The following SMOC2 variants were observed in gnomAD, a reference collection of about 807,000 sequenced individuals.
The protein encoded by SMOC2 is SPARC related modular calcium binding 2, also known as SPARC-related modular calcium-binding protein 2.
SMOC2 carries 39 observed loss-of-function variants against 61.4 expected under a neutral mutation model. That is an observed-to-expected ratio of 0.64 (90% CI 0.49 to 0.83). The LOEUF is 0.83. Ranked by LOEUF, SMOC2 falls within the 40% of genes least tolerant of loss-of-function variation. SMOC2 has a pLI of 0.00. For missense variants in SMOC2, 556 were observed against 592.9 expected (o/e 0.94, Z 0.65); for synonymous variants, 247 against 239.9 (o/e 1.03, Z -0.27).
intron 1 of SMOC2, among the ~76,000 whole-genome samples, chr6:168,507,871 A>C (rs2342545): frequency 0.1 from 15,890 of 152,256 alleles, 1,377 homozygotes; most frequent in African/African-American, 0.24. Flanking sequence ...AAAATAGCTC[A>C]CTCTGAGATG....
Position 168,608,225 on chromosome 6 carries a change from G to T in SMOC2, c.893G>T (p.Gly298Val). 1 of 1,612,662 alleles carries T rather than the reference G, an allele frequency of 6.2e-7. No individual in the cohort carries two copies. The highest frequency in any genetic ancestry group is 8.5e-7 in the Non-Finnish European group (1 of 1,179,538). Residue 298 changes from glycine (G) to valine (V), a missense_variant, in exon 9 of 13, where the codon GGC becomes GTC. By Grantham distance (109) the Gly-to-Val change is moderately radical. Transcript: ENST00000356284. ...GCCAAAGCCCGGGACCTGTACAAGG[G>T]CCGCCAGCTACAAGGTGAGCAGCAC... Reference protein sequence around the residue: ...HPAKARDLYKGRQLQGCPGAK... With the variant: ...HPAKARDLYKVRQLQGCPGAK...
In SMOC2 at chr6:168,523,089, T is replaced by TTTTTTTTTTTTC. The variant is rs1171682081; in HGVS notation, c.257-3247_257-3246insTCTTTTTTTTTT. On this transcript the variant is annotated intron_variant, in intron 2 of 12. Coordinates refer to ENST00000356284, the MANE Select transcript of SMOC2 (RefSeq NM_001166412.2). ...TGTAGTTGTACAGTAATTTTTTTTT[T>TTTTTTTTTTTTC]TTTTTTTTTTGAGACGGAGTCTCGC... 3.2e-5 allele frequency among the ~76,000 whole-genome samples: 3 copies of TTTTTTTTTTTTC among 93,370 alleles called. 1 individual carries two copies. Among genetic ancestry groups the TTTTTTTTTTTTC allele is most frequent in the Non-Finnish European group, 8.5e-5 (3 of 35,218 alleles). 61.3% of individuals were successfully genotyped at this position (93,370 alleles called of 152,430 possible). A position where few individuals can be genotyped will look rare whatever the true frequency, so the allele number is the denominator to read the frequency against.
chr6:168,528,554 GAT>G (rs1428898327), intron 4 of SMOC2, among the ~76,000 whole-genome samples: 1 of 152,124 alleles, frequency 6.6e-6, no homozygotes. Flanking sequence ...CTGTTTAAGG[GAT>G]ATATATCTTT....
Position 168,607,844 on chromosome 6 carries a change from G to A in SMOC2, c.825-313G>A, listed in dbSNP as rs112656670. Among the ~76,000 whole-genome samples the A allele has an allele frequency of 2.0e-3, 304 of 152,124 alleles. 3 individuals carry two copies. The highest frequency in any genetic ancestry group is 7.0e-3 in the African/African-American group (291 of 41,402). On this transcript the variant is annotated intron_variant, in intron 8 of 12. Transcript: ENST00000356284. ...GCGCTGCTCCATCCAACCCTGCAACGGGAGGAGGGGGAGGTGTGGGTGCTT... is the reference window on the plus strand; with the variant it reads ...GCGCTGCTCCATCCAACCCTGCAACAGGAGGAGGGGGAGGTGTGGGTGCTT...
chr6:168,627,527 T>A (rs1786445939), intron 9 of SMOC2, among the ~76,000 whole-genome samples: 1 of 152,184 alleles, frequency 6.6e-6, no homozygotes, highest in African/African-American at 2.4e-5. Flanking sequence ...AACTGAGAAC[T>A]ACAAAATCCA....
At chr6:168,485,128 A>G (rs1055743099) in intron 1 of SMOC2, among the ~76,000 whole-genome samples, 2 of 152,212 alleles carry the variant, frequency 1.3e-5, no homozygotes, top group Non-Finnish European at 2.9e-5. Flanking sequence ...ACCATAATAC[A>G]AATAATTGAA....
chr6:168,539,788 T>C (rs1783835849), intron 4 of SMOC2, among the ~76,000 whole-genome samples: 1 of 152,226 alleles, frequency 6.6e-6, no homozygotes, highest in Non-Finnish European at 1.5e-5. Flanking sequence ...TCCCTTCTTT[T>C]CTGGCCCATG....
At chr6:168,518,212 G>A (rs985405910) in intron 2 of SMOC2, among the ~76,000 whole-genome samples, 6 of 152,184 alleles carry the variant, frequency 3.9e-5, no homozygotes, top group Admixed American at 6.5e-5. Flanking sequence ...GGCTCCTATC[G>A]GGCAGCATCG....
chr6:168,592,461 G>A (rs1583139617), intron 7 of SMOC2, among the ~76,000 whole-genome samples: 3 of 67,860 alleles, frequency 4.4e-5, no homozygotes, highest in South Asian at 5.5e-4. Flanking sequence ...CCTCCTTCCT[G>A]AGGCCTCACG....
At chr6:168,539,871 C>A (rs996477898) in intron 4 of SMOC2, among the ~76,000 whole-genome samples, 1 of 152,202 alleles carries the variant, frequency 6.6e-6, no homozygotes. Context: ...ACTAAAAAAG[C>A]AGGCCCTGGA....
intron 1 of SMOC2, among the ~76,000 whole-genome samples, chr6:168,461,420 A>G (rs951332913): frequency 3.3e-5 from 5 of 152,214 alleles, no homozygotes; most frequent in African/African-American, 1.2e-4. Flanking sequence ...TCTGAATTGC[A>G]AGTGAATCAC....
intron 1 of SMOC2, among the ~76,000 whole-genome samples, chr6:168,447,735 T>A (rs951134080): frequency 6.6e-6 from 1 of 152,048 alleles, no homozygotes; most frequent in Admixed American, 6.6e-5. Flanking sequence ...TTCAGAGCCC[T>A]TGAGTGCAGG....
chr6:168,563,239 A>C (rs1784462415), intron 7 of SMOC2, among the ~76,000 whole-genome samples: 2 of 152,250 alleles, frequency 1.3e-5, no homozygotes, highest in South Asian at 4.1e-4. Flanking sequence ...GCTTAAGCAC[A>C]CACGTGCATT....
intron 1 of SMOC2, among the ~76,000 whole-genome samples, chr6:168,476,877 C>T (rs1215534452): frequency 6.6e-6 from 1 of 150,998 alleles, no homozygotes; most frequent in African/African-American, 2.4e-5. Context: ...AGCGTTTCTG[C>T]ATGTATGAAA....
At chr6:168,586,913 G>C (rs2115167088) in intron 7 of SMOC2, among the ~76,000 whole-genome samples, 1 of 152,302 alleles carries the variant, frequency 6.6e-6, no homozygotes, top group Middle Eastern at 3.4e-3. Context: ...AAAAGTGAAA[G>C]TGTTCAGTCT....
rs73791051 is a variant in SMOC2, at chr6:168,519,651, C to T, written c.257-6695C>T. On this transcript the variant is annotated intron_variant, in intron 2 of 12. Transcript: ENST00000356284. ...AGTGGCACCACCAAACCCAAGGCAC[C>T]GGCTCATCAGCAGAGCAGGGGCCTC... 4.3e-3 allele frequency among the ~76,000 whole-genome samples: 647 copies of T among 152,222 alleles called. 2 individuals are homozygous for T. The highest frequency in any genetic ancestry group is 0.014 in the African/African-American group (584 of 41,538).
intron 2 of SMOC2, 51 bp from the exon 3 acceptor site, chr6:168,526,295 C>T (rs769705192): frequency 3.3e-6 from 5 of 1,505,450 alleles, no homozygotes; most frequent in Non-Finnish European, 4.6e-6. Flanking sequence ...TATATCTGTT[C>T]TATCTTCTTC....
intron 9 of SMOC2, among the ~76,000 whole-genome samples, chr6:168,635,240 A>G (rs1435167294): frequency 6.6e-6 from 1 of 152,254 alleles, no homozygotes; most frequent in Non-Finnish European, 1.5e-5. Flanking sequence ...AAGGCAGGAT[A>G]AAGGGTGTTC....
At chr6:168,530,729 G>C (rs1456629330) in intron 4 of SMOC2, among the ~76,000 whole-genome samples, 1 of 151,236 alleles carries the variant, frequency 6.6e-6, no homozygotes, top group Non-Finnish European at 1.5e-5. Flanking sequence ...CTGCGGGTGT[G>C]GTGGGAACTG....
Sources: allele counts gnomAD v4.1 joint callset (sites outside exome capture counted in the v4.1 genomes callset), GRCh38; gene constraint gnomAD v4.1.1; transcripts MANE v1.5; gene names NCBI Gene and HGNC (gene_info 2026-07-23, HGNC 2026-07-21).